The following PTPRD variants were observed in gnomAD, a reference collection of about 807,000 sequenced individuals.
PTPRD encodes the protein protein tyrosine phosphatase receptor type D.
Under a neutral mutation model 214.5 loss-of-function variants are expected in PTPRD, and 34 were observed. The observed-to-expected ratio is 0.16, with a 90% confidence interval of 0.12 to 0.21. The LOEUF is 0.21. Among genes scored for constraint, PTPRD ranks in the 10% least tolerant of loss-of-function variants. The probability of loss-of-function intolerance (pLI) is 1.00; values close to 1 mark genes in which losing one functional copy is unlikely to be tolerated. For missense variants in PTPRD, 2,545 were observed against 2,398.7 expected, an observed-to-expected ratio of 1.06 and a Z score of -1.27; for synonymous variants, 1,128 against 845.7, an observed-to-expected ratio of 1.33 and a Z score of -5.79.
Position 10,140,425 on chromosome 9 carries a change from C to T in PTPRD, c.-544-106635G>A, listed in dbSNP as rs927710950. ...AAAATGATAAAGGGGATATCACCACCGATCCCACAGAAATACAAACTACCA... is the reference window on the plus strand; with the variant it reads ...AAAATGATAAAGGGGATATCACCACTGATCCCACAGAAATACAAACTACCA... On this transcript the variant is annotated intron_variant, in intron 3 of 45. Transcript: ENST00000381196. 2.6e-5 allele frequency among the ~76,000 whole-genome samples: 4 copies of T among 151,750 alleles called. No individual in the cohort carries two copies. The South Asian group carries it at 6.3e-4, about 24-fold the overall frequency.
chr9:8,755,544 A>AT (rs2093928727), intron 11 of PTPRD, among the ~76,000 whole-genome samples: 2 of 152,050 alleles, frequency 1.3e-5, no homozygotes, highest in African/African-American at 4.8e-5. Flanking sequence ...AAAAAAAAAA[A>AT]ACAGCAGCAC....
chr9:8,639,966 T>TG (rs2096537427), intron 12 of PTPRD, among the ~76,000 whole-genome samples: 1 of 152,194 alleles, frequency 6.6e-6, no homozygotes, highest in Admixed American at 6.5e-5. Flanking sequence ...GGTCTTGGTC[T>TG]GTCATTCAGG....
chr9:9,003,195 C>A (rs1311837390), intron 11 of PTPRD, among the ~76,000 whole-genome samples: 1 of 151,974 alleles, frequency 6.6e-6, no homozygotes, highest in Non-Finnish European at 1.5e-5. Context: ...TTTCAGCTGG[C>A]CTTACTTGAA....
At chr9:9,914,849 T>G (rs1027099135) in intron 5 of PTPRD, among the ~76,000 whole-genome samples, 1 of 152,114 alleles carries the variant, frequency 6.6e-6, no homozygotes, top group Non-Finnish European at 1.5e-5. Context: ...ACTGCTTCTA[T>G]GTCATGGGCC....
At chr9:9,690,797 T>C (rs2097256070) in intron 7 of PTPRD, among the ~76,000 whole-genome samples, 1 of 151,816 alleles carries the variant, frequency 6.6e-6, no homozygotes, top group African/African-American at 2.4e-5. Context: ...TTATTTCTGG[T>C]CTCTATTCTG....
intron 10 of PTPRD, among the ~76,000 whole-genome samples, chr9:9,046,393 A>T (rs1394605549): frequency 6.6e-6 from 1 of 152,128 alleles, no homozygotes; most frequent in East Asian, 1.9e-4. Flanking sequence ...TTTTTATAAA[A>T]TTTTCTTTAA....
intron 12 of PTPRD, among the ~76,000 whole-genome samples, chr9:8,643,270 A>G (rs143585121): frequency 3.1e-4 from 47 of 152,266 alleles, no homozygotes; most frequent in Middle Eastern, 3.4e-3. Context: ...GGTGTTTTCA[A>G]AGAGTCTTGC....
intron 3 of PTPRD, among the ~76,000 whole-genome samples, chr9:10,041,199 A>G (rs570194886): frequency 6.6e-6 from 1 of 152,128 alleles, no homozygotes; most frequent in South Asian, 2.1e-4. Context: ...TTGTTTTTTC[A>G]TGCCCACACA....
chr9:10,369,186 C>T (rs781028731), intron 2 of PTPRD, among the ~76,000 whole-genome samples: 4 of 152,104 alleles, frequency 2.6e-5, no homozygotes, highest in Admixed American at 1.3e-4. Context: ...CTCTTAGGGT[C>T]CATTTATTTA....
chr9:10,537,053 C>A (rs908190282), intron 2 of PTPRD, among the ~76,000 whole-genome samples: 5 of 152,090 alleles, frequency 3.3e-5, no homozygotes, highest in Admixed American at 1.3e-4. Flanking sequence ...TCTGAAATAG[C>A]ATTCTGTGGG....
chr9:8,424,276 G>A (rs2094528052), intron 35 of PTPRD, among the ~76,000 whole-genome samples: 1 of 152,152 alleles, frequency 6.6e-6, no homozygotes, highest in Admixed American at 6.6e-5. Context: ...AAACTGTGGT[G>A]AAAGGAAATC....
At chr9:8,769,224 T>C (rs1346539132) in intron 11 of PTPRD, among the ~76,000 whole-genome samples, 2 of 152,238 alleles carry the variant, frequency 1.3e-5, no homozygotes, top group African/African-American at 2.4e-5. Context: ...CATTTGTGTC[T>C]AGTATTTGTT....
At chr9:8,344,962 A>G (rs1375816574) in intron 39 of PTPRD, among the ~76,000 whole-genome samples, 2 of 152,040 alleles carry the variant, frequency 1.3e-5, no homozygotes, top group African/African-American at 2.4e-5. Flanking sequence ...CTCCATTTTA[A>G]CATTCAGTCT....
At chr9:9,947,464 CTAT>C (rs2092824139) in intron 4 of PTPRD, among the ~76,000 whole-genome samples, 5 of 18,830 alleles carry the variant, frequency 2.7e-4, no homozygotes, top group African/African-American at 1.4e-3. Context: ...TTTATATATA[CTAT>C]ATATTATATA....
chr9:10,119,899 T>C (rs952101566), intron 3 of PTPRD, among the ~76,000 whole-genome samples: 2 of 152,052 alleles, frequency 1.3e-5, no homozygotes, highest in East Asian at 1.9e-4. Context: ...AGAAAATATC[T>C]AGTTTTCCAA....
At chr9:10,460,031 CAG>C (rs1475023502) in intron 2 of PTPRD, among the ~76,000 whole-genome samples, 1 of 151,848 alleles carries the variant, frequency 6.6e-6, no homozygotes, top group Admixed American at 6.6e-5. Context: ...GTTGTGTAGT[CAG>C]AGAGTTTCGG....
At chr9:9,811,988 C>T (rs976712930) in intron 5 of PTPRD, among the ~76,000 whole-genome samples, 1 of 152,146 alleles carries the variant, frequency 6.6e-6, no homozygotes, top group Non-Finnish European at 1.5e-5. Flanking sequence ...CCAGCTACTT[C>T]CACCTTCAGC....
At chr9:8,813,534 G>C (rs1315207765) in intron 11 of PTPRD, among the ~76,000 whole-genome samples, 1 of 152,020 alleles carries the variant, frequency 6.6e-6, no homozygotes, top group Non-Finnish European at 1.5e-5. Context: ...ACCATGCCTA[G>C]CCAATTTAAA....
intron 11 of PTPRD, among the ~76,000 whole-genome samples, chr9:8,841,506 T>C (rs2097557270): frequency 6.6e-6 from 1 of 152,098 alleles, no homozygotes; most frequent in Admixed American, 6.5e-5. Flanking sequence ...ATGAGATTAT[T>C]ATGTGCCAAA....
Sources: allele counts gnomAD v4.1 joint callset (sites outside exome capture counted in the v4.1 genomes callset), GRCh38; gene constraint gnomAD v4.1.1; transcripts MANE v1.5; gene names NCBI Gene and HGNC (gene_info 2026-07-23, HGNC 2026-07-21).